Variants in CPSF4 observed in about 807,000 individuals in gnomAD.
The protein encoded by CPSF4 is cleavage and polyadenylation specific factor 4.
Under a neutral mutation model 37.7 loss-of-function variants are expected in CPSF4, and 11 were observed. That is an observed-to-expected ratio of 0.29 (90% CI 0.18 to 0.48). The LOEUF (loss-of-function observed/expected upper bound fraction) is 0.48. Among genes scored for constraint, CPSF4 ranks in the 20% least tolerant of loss-of-function variants. CPSF4 has a pLI of 0.99. For missense variants in CPSF4, 144 were observed against 359.5 expected, an observed-to-expected ratio of 0.40 and a Z score of 4.85; for synonymous variants, 132 against 135.9, an observed-to-expected ratio of 0.97 and a Z score of 0.20.
chr7:99,450,669 G>C, intron 4 of CPSF4, 33 bp from the exon 5 acceptor site: 1 of 1,516,642 alleles, frequency 6.6e-7, no homozygotes, highest in Non-Finnish European at 9.2e-7. Context: ...TGGTAGAGGG[G>C]ACATCTAAGT....
At chr7:99,442,668 A>AAAC (rs1245102135) in intron 1 of CPSF4, among the ~76,000 whole-genome samples, 5 of 151,378 alleles carry the variant, frequency 3.3e-5, no homozygotes, top group East Asian at 1.9e-4. Flanking sequence ...AAAAAAAAAA[A>AAAC]AAAAAAACAA....
In CPSF4 at chr7:99,453,798, T is replaced by C; in HGVS notation, c.571-168T>C. On this transcript the variant is annotated intron_variant, in intron 6 of 7. Transcript: ENST00000292476. The surrounding 1 kb of genome is among the most constrained non-coding windows in gnomAD (Gnocchi z 4.7). ...GTTTTTCGGGCAGTGGCTTCTGCCA[T>C]CATCACCACATGTTTCTCTGCTGCC... 1.6e-6 allele frequency: 1 copy of C among 629,978 alleles called. No homozygotes were observed. The highest frequency in any genetic ancestry group is 2.8e-6 in the Non-Finnish European group (1 of 357,422). The allele number at this position is 629,978 out of a possible 1,614,324, so 39.0% of individuals were successfully genotyped here.
intron 6 of CPSF4, 59 bp downstream of exon 6, chr7:99,452,499 A>G: frequency 6.9e-7 from 1 of 1,457,582 alleles, no homozygotes; most frequent in Non-Finnish European, 9.6e-7. Context: ...CGAGAACCTC[A>G]GTGTCCCCCA....
At position 99,453,994 on chromosome 7, in the gene CPSF4, C is replaced by A; in HGVS notation, c.599C>A (p.Ser200Ter). 6.2e-7 allele frequency: 1 copy of A among 1,614,092 alleles called. No individual in the cohort carries two copies. The highest frequency in any genetic ancestry group is 8.5e-7 in the Non-Finnish European group (1 of 1,179,976). Residue 200 changes from serine (S) to a stop codon, truncating the protein, a stop_gained, in exon 7 of 8, where the codon TCG becomes TAG. Transcript: ENST00000292476. LOFTEE classifies it high-confidence loss of function. This position sits in a 1 kb window ranked among gnomAD's most constrained non-coding sequence, Gnocchi z 4.7. Reference protein sequence around the residue: ...KQSNNPPLQRSSSLIQLTSQN... With the variant: ...KQSNNPPLQR ...AGTAACAATCCGCCATTACAAAGGT[C>A]GTCCTCCTTGATCCAGTTAACGAGT...
chr7:99,451,695 C>T (rs1797945394), intron 5 of CPSF4, among the ~76,000 whole-genome samples: 1 of 152,232 alleles, frequency 6.6e-6, no homozygotes, highest in Admixed American at 6.5e-5. Flanking sequence ...CCTCTTGTGG[C>T]TCCATTTTCT....
Position 99,448,433 on chromosome 7 carries a change from A to T in CPSF4, c.307+160A>T. On this transcript the variant is annotated intron_variant, in intron 3 of 7. Transcript: ENST00000292476. The surrounding 1 kb of genome is among the most constrained non-coding windows in gnomAD (Gnocchi z 4.4). The stretch of plus-strand genomic sequence containing the variant: ...GCCAGCCTCAGCCAGCTTTTAGGGG[A>T]CAGTGTGGCTATTTTCTGCTCATCT... 3.3e-6 allele frequency: 2 copies of T among 604,572 alleles called. No homozygotes were observed. The highest frequency in any genetic ancestry group is 5.5e-6 in the Non-Finnish European group (2 of 365,816). 37.5% of individuals were successfully genotyped at this position (604,572 alleles called of 1,614,324 possible).
intron 1 of CPSF4, among the ~76,000 whole-genome samples, chr7:99,442,419 G>A (rs1484852614): frequency 3.9e-5 from 6 of 151,962 alleles, no homozygotes; most frequent in Non-Finnish European, 7.4e-5. Flanking sequence ...CACTTTGGGA[G>A]GCCGAGGCGG....
chr7:99,447,662 TCA>T (rs1797626943), intron 2 of CPSF4: 1 of 279,182 alleles, frequency 3.6e-6, no homozygotes, highest in African/African-American at 2.3e-5. Flanking sequence ...CGATCTCTGC[TCA>T]CTGCAAGCTC....
chr7:99,440,677 T>TTTTTTTTTTTG (rs1796891575), intron 1 of CPSF4, among the ~76,000 whole-genome samples: 1 of 121,850 alleles, frequency 8.2e-6, no homozygotes, highest in Non-Finnish European at 1.6e-5. Flanking sequence ...TATATATATT[T>TTTTTTTTTTTG]TTTTTTTTTT....
intron 2 of CPSF4, among the ~76,000 whole-genome samples, chr7:99,447,435 A>AT (rs541108392): frequency 6.7e-6 from 1 of 148,882 alleles, no homozygotes; most frequent in Non-Finnish European, 1.5e-5. Flanking sequence ...AGCCGGGCTA[A>AT]TTTTTTTTGT....
In CPSF4 at chr7:99,441,087, A is replaced by G. The variant is rs545466599; in HGVS notation, c.103+1902A>G. 1.6e-3 allele frequency among the ~76,000 whole-genome samples: 238 copies of G among 150,676 alleles called. 2 individuals carry two copies. The highest frequency in any genetic ancestry group is 3.8e-3 in the Admixed American group (57 of 14,992). ...TGCCTTGGCCTCCTGAGTAGCTGGG[A>G]TTATAGGCGCCCACCACCACGCCCA... On this transcript the variant is annotated intron_variant, in intron 1 of 7. Transcript: ENST00000292476.
intron 1 of CPSF4, among the ~76,000 whole-genome samples, chr7:99,440,343 TTTG>T (rs1447496995): frequency 3.9e-5 from 6 of 151,950 alleles, no homozygotes; most frequent in East Asian, 3.9e-4. Context: ...TTTATGTGTT[TTTG>T]TTGTTGTTGT....
Position 99,439,142 on chromosome 7 carries a change from G to C in CPSF4, c.60G>C (p.Glu20Asp), listed in dbSNP as rs1299607148. 6.2e-7 allele frequency: 1 copy of C among 1,610,196 alleles called. No individual in the cohort carries two copies. The highest frequency in any genetic ancestry group is 1.3e-5 in the African/African-American group (1 of 74,758). The change falls in exon 1 of 8, where the codon GAG becomes GAC. Residue 20 changes from glutamate (E) to aspartate (D), a missense_variant. This residue lies in a region of CPSF4 where 42 missense variants were observed against 86.4 expected (regional missense o/e 0.49). Coordinates refer to ENST00000292476, the MANE Select transcript of CPSF4 (RefSeq NM_006693.4). Reference protein sequence around the residue: ...HIKFDLEIAVEQQLGAQPLPF... With the variant: ...HIKFDLEIAVDQQLGAQPLPF... ...AGTTTGACTTGGAGATCGCGGTGGA[G>C]CAGCAGCTGGGGGCGCAGCCGCTGC...
At chr7:99,446,693 G>T (rs893588353) in intron 2 of CPSF4, among the ~76,000 whole-genome samples, 2 of 133,374 alleles carry the variant, frequency 1.5e-5, no homozygotes, top group Non-Finnish European at 3.1e-5. Context: ...CTGCAAGCTT[G>T]ACCTCCTGGG....
chr7:99,444,957 C>G, intron 2 of CPSF4, 118 bp downstream of exon 2: 1 of 883,444 alleles, frequency 1.1e-6, no homozygotes, highest in South Asian at 1.4e-5. Context: ...GACTAACGAT[C>G]TCTGTAGATA....
rs544307868 is a variant in CPSF4, at chr7:99,450,684, G to A, written c.404-18G>A. The A allele has an allele frequency of 6.8e-5, 109 of 1,596,600 alleles. 1 individual carries two copies. The highest frequency in any genetic ancestry group is 5.3e-4 in the Admixed American group (32 of 59,972). Reference sequence around the variant, plus strand: ...TGGTAGAGGGGACATCTAAGTGACCGGACACTTGGCTCTGCAGGTCCCCTC... The same window carrying A: ...TGGTAGAGGGGACATCTAAGTGACCAGACACTTGGCTCTGCAGGTCCCCTC... On this transcript the variant is annotated intron_variant, in intron 4 of 7. Coordinates refer to ENST00000292476, the MANE Select transcript of CPSF4 (RefSeq NM_006693.4).
chr7:99,440,440 C>A (rs963653777), intron 1 of CPSF4, among the ~76,000 whole-genome samples: 2 of 151,858 alleles, frequency 1.3e-5, no homozygotes, highest in African/African-American at 4.8e-5. Flanking sequence ...CCTCGACTTC[C>A]CAGGCTCCAG....
At chr7:99,450,642 T>C in intron 4 of CPSF4, 60 bp from the exon 5 acceptor site, 2 of 1,354,004 alleles carry the variant, frequency 1.5e-6, no homozygotes, top group Admixed American at 1.7e-5. Context: ...TTTGAAACCA[T>C]GCTCCAGCTC....
rs1307607708 is a variant in CPSF4 at position 99,456,526 on chromosome 7, G to A, written c.*26G>A. The stretch of plus-strand genomic sequence containing the variant: ...CAGCAGCTGGAGCCAGCTCCGAGCA[G>A]CCCGGGGGCCCCGCTGTTGGGAGTG... On this transcript the variant is annotated 3_prime_UTR_variant, in exon 8 of 8. Coordinates refer to ENST00000292476, the MANE Select transcript of CPSF4 (RefSeq NM_006693.4). The A allele has an allele frequency of 6.2e-7, 1 of 1,608,362 alleles. No homozygotes were observed. The highest frequency in any genetic ancestry group is 8.5e-7 in the Non-Finnish European group (1 of 1,175,242).
Sources: allele counts gnomAD v4.1 joint callset (sites outside exome capture counted in the v4.1 genomes callset), GRCh38; gene constraint gnomAD v4.1.1; regional missense constraint gnomAD v4.1.1; non-coding constraint Gnocchi (gnomAD v3.1); transcripts MANE v1.5; gene names NCBI Gene and HGNC (gene_info 2026-07-23, HGNC 2026-07-21).